The following SAMMSON variants were observed in gnomAD, a reference collection of about 807,000 sequenced individuals.
The protein encoded by SAMMSON is survival associated mitochondrial melanoma specific oncogenic non-coding RNA.
intron 4 of SAMMSON, chr3:70,196,931 G>A (rs1434345901): frequency 7.5e-6 from 3 of 398,344 alleles, no homozygotes; most frequent in African/African-American, 4.1e-5. Flanking sequence ...CTGTGCTAGC[G>A]GTAACAGATT....
At chr3:70,181,018 G>C (rs1701049532) in intron 4 of SAMMSON, among the ~76,000 whole-genome samples, 1 of 152,166 alleles carries the variant, frequency 6.6e-6, no homozygotes, top group African/African-American at 2.4e-5. Context: ...CACGGGGTCA[G>C]ATCTTCCCGG....
At chr3:70,399,601 C>T (rs545688632) in intron 2 of SAMMSON, among the ~76,000 whole-genome samples, 2 of 152,230 alleles carry the variant, frequency 1.3e-5, no homozygotes, top group South Asian at 2.1e-4. Context: ...CATGGTGGCT[C>T]ATGCCTGTAA....
rs552336786 is a variant in SAMMSON, at chr3:70,407,930, A to G, written n.233+49606A>G. 3.9e-5 allele frequency among the ~76,000 whole-genome samples: 6 copies of G among 152,330 alleles called. No homozygotes were observed. The East Asian group carries it at 9.7e-4, about 25-fold the overall frequency. On this transcript the variant is annotated intron_variant and non_coding_transcript_variant, in intron 2 of 3. Coordinates refer to the SAMMSON transcript ENST00000641053. ...CAGCAAACTTCTGCCTGGGCATCTA[A>G]GCATGTCCATACTTCTTCTGAAGTC... is the stretch of plus-strand genomic sequence containing the variant.
At chr3:70,099,248 G>A (rs1311908650) in intron 4 of SAMMSON, among the ~76,000 whole-genome samples, 1 of 152,096 alleles carries the variant, frequency 6.6e-6, no homozygotes, top group East Asian at 1.9e-4. Flanking sequence ...TGAATTGTTG[G>A]ATCAAAGGTA....
intron 7 of SAMMSON, among the ~76,000 whole-genome samples, chr3:70,348,244 G>C (rs974628730): frequency 3.3e-5 from 5 of 152,154 alleles, no homozygotes; most frequent in African/African-American, 1.2e-4. Flanking sequence ...TGTGAGATTT[G>C]ATCATGCCAG....
chr3:70,147,455 G>A (rs999015402), intron 4 of SAMMSON, among the ~76,000 whole-genome samples: 1 of 151,982 alleles, frequency 6.6e-6, no homozygotes, highest in Non-Finnish European at 1.5e-5. Context: ...GTGTGTTATT[G>A]TCAAGGGATC....
chr3:70,089,624 T>A (rs906884169), intron 4 of SAMMSON, among the ~76,000 whole-genome samples: 2 of 152,078 alleles, frequency 1.3e-5, no homozygotes, highest in African/African-American at 4.8e-5. Flanking sequence ...CTTGTGTTTC[T>A]CCATTGGGAA....
intron 9 of SAMMSON, among the ~76,000 whole-genome samples, chr3:70,382,200 A>G (rs1283104296): frequency 6.6e-6 from 1 of 152,160 alleles, no homozygotes; most frequent in Admixed American, 6.6e-5. Flanking sequence ...TGTCTGCAGA[A>G]CTTATATAAT....
chr3:70,381,974 A>G (rs1027924854), intron 9 of SAMMSON, among the ~76,000 whole-genome samples: 2 of 152,162 alleles, frequency 1.3e-5, no homozygotes, highest in Non-Finnish European at 2.9e-5. Flanking sequence ...AACTATTGCT[A>G]ATCTTGTTAG....
At chr3:70,396,333 A>G (rs1701093291) in intron 2 of SAMMSON, among the ~76,000 whole-genome samples, 1 of 152,224 alleles carries the variant, frequency 6.6e-6, no homozygotes, top group South Asian at 2.1e-4. Context: ...ATTTTCAAAT[A>G]TCATTCAGTG....
At chr3:70,393,919 C>T (rs1026336618), downstream of SAMMSON, among the ~76,000 whole-genome samples, 5 of 152,034 alleles carry the variant, frequency 3.3e-5, no homozygotes, top group African/African-American at 9.7e-5. Flanking sequence ...TGGCATGATT[C>T]GATTTTTAAA....
intron 4 of SAMMSON, among the ~76,000 whole-genome samples, chr3:70,213,295 G>C (rs1483216696): frequency 6.6e-6 from 1 of 152,072 alleles, no homozygotes; most frequent in Non-Finnish European, 1.5e-5. Context: ...TGTGGAAACA[G>C]GTAGCTTGTT....
chr3:70,097,933 T>G (rs2067328407), intron 4 of SAMMSON, among the ~76,000 whole-genome samples: 1 of 152,240 alleles, frequency 6.6e-6, no homozygotes, highest in Non-Finnish European at 1.5e-5. Context: ...ATGAATGTAT[T>G]AATCCTCACA....
intron 4 of SAMMSON, among the ~76,000 whole-genome samples, chr3:70,149,599 T>C (rs2067563224): frequency 6.6e-6 from 1 of 152,146 alleles, no homozygotes; most frequent in South Asian, 2.1e-4. Flanking sequence ...AAGGTTTGGC[T>C]GATGCATGCT....
chr3:70,124,260 A>G (rs1306720075), intron 4 of SAMMSON, among the ~76,000 whole-genome samples: 4 of 152,212 alleles, frequency 2.6e-5, no homozygotes, highest in Non-Finnish European at 5.9e-5. Context: ...TTTCTCTTCA[A>G]TGTTCTATGG....
intron 6 of SAMMSON, among the ~76,000 whole-genome samples, chr3:70,280,864 G>A (rs1422427541): frequency 6.6e-6 from 1 of 152,108 alleles, no homozygotes; most frequent in Non-Finnish European, 1.5e-5. Flanking sequence ...AAGGGACGCT[G>A]CACAGAAAGT....
At chr3:70,068,772 G>C (rs762503826) in intron 3 of SAMMSON, 1 of 152,070 alleles carries the variant, frequency 6.6e-6, no homozygotes, top group Admixed American at 6.6e-5. Context: ...CAGTCAGTAA[G>C]TACTTCTGAC....
At chr3:70,163,414 T>G (rs2067624382) in intron 4 of SAMMSON, among the ~76,000 whole-genome samples, 1 of 151,184 alleles carries the variant, frequency 6.6e-6, no homozygotes, top group Non-Finnish European at 1.5e-5. Context: ...ATATGCATCT[T>G]AATTTTAAAC....
intron 4 of SAMMSON, among the ~76,000 whole-genome samples, chr3:70,224,514 T>C (rs1034855271): frequency 6.6e-6 from 1 of 152,194 alleles, no homozygotes; most frequent in African/African-American, 2.4e-5. Context: ...TCTCTGAAGA[T>C]AGGAAAGCAC....
Sources: gnomAD v4.1 joint callset for allele counts (sites outside exome capture counted in the v4.1 genomes callset) on GRCh38, gnomAD v4.1.1 for gene constraint, MANE v1.5 for transcripts, NCBI Gene and HGNC (gene_info 2026-07-23, HGNC 2026-07-21) for gene names.